MAN1B1: variants seen among roughly 807,000 people sequenced by gnomAD.
MAN1B1 encodes endoplasmic reticulum mannosyl-oligosaccharide 1,2-alpha-mannosidase.
MAN1B1 carries 66 observed loss-of-function variants against 75.5 expected under a neutral mutation model. The ratio of observed to expected loss-of-function variants is 0.87; its 90% CI spans 0.72 to 1.07. The LOEUF (loss-of-function observed/expected upper bound fraction) is 1.07. MAN1B1 is among the 50% of genes least tolerant of loss of function. MAN1B1 has a pLI of 0.00. For missense variants in MAN1B1, 973 were observed against 912.5 expected (o/e 1.07, Z -0.85); for synonymous variants, 453 against 382.8 (o/e 1.18, Z -2.14).
At chr9:137,105,731 A>C in intron 8 of MAN1B1, 1 of 392,380 alleles carries the variant, frequency 2.5e-6, no homozygotes, top group South Asian at 1.9e-5. Flanking sequence ...CAGGAGCAAC[A>C]CTGGGCTCAG....
intron 8 of MAN1B1, chr9:137,104,299 G>T (rs1331085088): frequency 5.7e-6 from 2 of 348,756 alleles, no homozygotes; most frequent in East Asian, 1.5e-4. Flanking sequence ...GCAGTGGCGT[G>T]ATCTCAGCTC....
intron 11 of MAN1B1, 33 bp downstream of exon 11, chr9:137,107,480 A>G (rs1331645238): frequency 4.3e-6 from 7 of 1,613,068 alleles, no homozygotes; most frequent in Non-Finnish European, 5.9e-6. Context: ...GTCCATCAGG[A>G]GGAGGGTGCT....
chr9:137,106,449 G>A (rs1178735723), intron 9 of MAN1B1, 134 bp downstream of exon 9: 33 of 1,017,222 alleles, frequency 3.2e-5, no homozygotes, highest in East Asian at 2.4e-4. Flanking sequence ...AACCGCAGCC[G>A]TGCCAGGCCT....
chr9:137,091,588 G>T (rs1216230634), intron 3 of MAN1B1, among the ~76,000 whole-genome samples: 1 of 139,496 alleles, frequency 7.2e-6, no homozygotes, highest in Non-Finnish European at 1.5e-5. Context: ...GTGCAGTAGC[G>T]CAATCTCAGG....
intron 3 of MAN1B1, chr9:137,089,279 G>A (rs190406313): frequency 0.015 from 7,041 of 480,904 alleles, 81 homozygotes; most frequent in Admixed American, 0.022. Context: ...GCCACAGCTG[G>A]TAGGAGAGGC....
chr9:137,088,231 A>T (rs367591754), intron 2 of MAN1B1, 48 bp downstream of exon 2: 1 of 1,614,018 alleles, frequency 6.2e-7, no homozygotes, highest in African/African-American at 1.3e-5. Flanking sequence ...TTGAGGGTTG[A>T]TTGGGCAGAA....
At chr9:137,089,724 G>A (rs1272859599) in intron 3 of MAN1B1, among the ~76,000 whole-genome samples, 1 of 152,150 alleles carries the variant, frequency 6.6e-6, no homozygotes, top group Non-Finnish European at 1.5e-5. Flanking sequence ...GGCCAGGAGA[G>A]CTGCCTGGCC....
intron 3 of MAN1B1, 63 bp downstream of exon 3, chr9:137,089,068 TG>T: frequency 6.3e-7 from 1 of 1,583,858 alleles, no homozygotes; most frequent in Non-Finnish European, 8.7e-7. Flanking sequence ...TTCAAACCAC[TG>T]AAGATTGAGA....
rs371895506 is a variant in MAN1B1, at chr9:137,087,078, G to A, written c.79G>A (p.Ala27Thr). ...CTTCCTGACGCCGCCAGTGGGCGGG[G>A]CCCCTTGGGCCGTCGCCACCACTGT... is the stretch of plus-strand genomic sequence containing the variant. ...SDFLTPPVGG[A>T]PWAVATTVVM... Residue 27 changes from alanine to threonine, a missense_variant, in exon 1 of 13, where the codon GCC becomes ACC. Physicochemically the swap from Ala to Thr is moderately conservative, Grantham distance 58. Coordinates refer to ENST00000371589, the MANE Select transcript of MAN1B1 (RefSeq NM_016219.5). 1.9e-6 allele frequency: 3 copies of A among 1,601,178 alleles called. No individual in the cohort carries two copies. Among genetic ancestry groups the A allele is most frequent in the East Asian group, 2.3e-5 (1 of 44,442 alleles).
rs1469177300 is a variant in MAN1B1 at position 137,099,835 on chromosome 9, A to G, written c.870A>G (p.Thr290=). 5 of 1,614,112 alleles carry G rather than the reference A, an allele frequency of 3.1e-6. No homozygotes were observed. The South Asian group carries it at 3.3e-5, about 11-fold the overall frequency. ...GTGAGTGGTTTGGCCTCGGTCTCAC[A>G]CTGATCGACGCGCTGGACACCATGT... ...SFSEWFGLGL[T]LIDALDTMWI... is the part of the protein sequence containing the mutation. Residue 290 remains threonine (T), a synonymous_variant, in exon 6 of 13, where the codon ACA becomes ACG. Coordinates refer to ENST00000371589, the MANE Select transcript of MAN1B1 (RefSeq NM_016219.5).
Position 137,089,003 on chromosome 9 carries a change from C to G in MAN1B1, c.463C>G (p.Gln155Glu). 2 of 1,613,988 alleles carry G rather than the reference C, an allele frequency of 1.2e-6. No individual in the cohort carries two copies. The highest frequency in any genetic ancestry group is 1.7e-6 in the Non-Finnish European group (2 of 1,180,000). The change falls in exon 3 of 13, where the codon CAG (glutamine) becomes GAG (glutamate). Residue 155 changes from glutamine (Q) to glutamate (E), a missense_variant and splice_region_variant. Coordinates refer to ENST00000371589, the MANE Select transcript of MAN1B1 (RefSeq NM_016219.5). ...TGAGAACTTACCTGAGATTTCGTCA[C>G]AGGTACTTTGAGCAAATGGTGTGGG... ...DPENLPEISSQKTQRHIQRGP... is the reference protein window; with the variant it reads ...DPENLPEISSEKTQRHIQRGP...
In MAN1B1 at chr9:137,107,684, G is replaced by A. The variant is rs117994893; in HGVS notation, c.1896+22G>A. 0.035 allele frequency: 55,603 copies of A among 1,609,958 alleles called. 1,074 individuals carry two copies. The highest frequency in any genetic ancestry group is 0.072 in the East Asian group (3,248 of 44,862). ...ACGGGTGAGCACCTGTCCTCGCCCC[G>A]CGTGGTCACGGCCACCGGGCCACAG... On this transcript the variant is annotated intron_variant, in intron 12 of 12. Transcript: ENST00000371589.
chr9:137,106,405 C>T (rs1831108524), intron 9 of MAN1B1, 90 bp downstream of exon 9: 7 of 1,232,338 alleles, frequency 5.7e-6, no homozygotes, highest in South Asian at 5.6e-5. Flanking sequence ...ACGGCCCCCG[C>T]TCCTGCTGCC....
At position 137,108,574 on chromosome 9, in the gene MAN1B1, A is replaced by G. The variant is rs963979748; in HGVS notation, c.2083A>G (p.Ile695Val). The G allele has an allele frequency of 1.2e-6, 2 of 1,613,580 alleles. No homozygotes were observed. The highest frequency in any genetic ancestry group is 3.3e-5 in the Admixed American group (2 of 60,000). The change falls in exon 13 of 13, where the codon ATC (isoleucine) becomes GTC (valine). Residue 695 changes from isoleucine to valine, a missense_variant. Coordinates refer to ENST00000371589, the MANE Select transcript of MAN1B1 (RefSeq NM_016219.5). Reference sequence around the variant, plus strand: ...CAACACCGAAGCCCACCCTCTGCCTATCTGGACCCCTGCCTAGGGTGGATG... The same window carrying G: ...CAACACCGAAGCCCACCCTCTGCCTGTCTGGACCCCTGCCTAGGGTGGATG... Reference protein sequence around the residue: ...VFNTEAHPLPIWTPA With the variant: ...VFNTEAHPLPVWTPA
chr9:137,087,937 GT>G, intron 1 of MAN1B1, 137 bp from the exon 2 acceptor site: 1 of 775,988 alleles, frequency 1.3e-6, no homozygotes, highest in Admixed American at 2.1e-5. Context: ...ATGAGACCCT[GT>G]TTCCAAAAAA....
chr9:137,094,472 G>T (rs1246048400), intron 3 of MAN1B1: 6 of 400,360 alleles, frequency 1.5e-5, no homozygotes, highest in South Asian at 1.1e-4. Flanking sequence ...GGAACTAGTG[G>T]CTCACATCTG....
At chr9:137,096,190 A>C in intron 3 of MAN1B1, 47 bp from the exon 4 acceptor site, 1 of 1,604,732 alleles carries the variant, frequency 6.2e-7, no homozygotes, top group Non-Finnish European at 8.5e-7. Context: ...AAAGAAGGGC[A>C]GCTCGCAGAC....
intron 1 of MAN1B1, chr9:137,087,628 G>T (rs1229876947): frequency 1.2e-5 from 5 of 423,640 alleles, no homozygotes; most frequent in Non-Finnish European, 2.2e-5. Flanking sequence ...GTCTCAGGCC[G>T]AAGGGCATTG....
In MAN1B1 at chr9:137,087,139, G is replaced by C; in HGVS notation, c.140G>C (p.Arg47Pro). The change falls in exon 1 of 13, where the codon CGG becomes CCG. Residue 47 changes from arginine (R) to proline (P), a missense_variant. Coordinates refer to ENST00000371589, the MANE Select transcript of MAN1B1 (RefSeq NM_016219.5). Reference sequence around the variant, plus strand: ...CCACCGCCGCCGCCGCCGCCTCATCGGGACTTCATCTCGGTGACGCTGAGC... The same window carrying C: ...CCACCGCCGCCGCCGCCGCCTCATCCGGACTTCATCTCGGTGACGCTGAGC... ...MYPPPPPPPH[R>P]DFISVTLSFG... 1 of 1,594,014 alleles carries C rather than the reference G, an allele frequency of 6.3e-7. No homozygotes were observed. The highest frequency in any genetic ancestry group is 8.5e-7 in the Non-Finnish European group (1 of 1,171,590).
Sources: gnomAD v4.1 joint callset for allele counts (sites outside exome capture counted in the v4.1 genomes callset) on GRCh38, gnomAD v4.1.1 for gene constraint, MANE v1.5 for transcripts, NCBI Gene and HGNC (gene_info 2026-07-23, HGNC 2026-07-21) for gene names.